SLC22A12: variants seen among roughly 807,000 people sequenced by gnomAD.
The protein encoded by SLC22A12 is organic anion transporter 4-like protein.
In SLC22A12, 56 loss-of-function variants were observed where a neutral mutation model predicts 52.7. That is an observed-to-expected ratio of 1.06 (90% CI 0.86 to 1.33). The LOEUF (loss-of-function observed/expected upper bound fraction) is 1.33, where lower values mean the gene tolerates loss of function less well. Among genes scored for constraint, SLC22A12 ranks in the 40% most tolerant of loss-of-function variants. The pLI, the probability that SLC22A12 is intolerant of heterozygous loss-of-function variation, is 0.00. For synonymous variants in SLC22A12, 337 were observed against 324.6 expected (o/e 1.04, Z -0.41); for missense variants, 683 against 741.5 (o/e 0.92, Z 0.92).
intron 1 of SLC22A12, 141 bp from the exon 2 acceptor site, chr11:64,592,638 A>C (rs1164542952): frequency 9.2e-6 from 7 of 758,496 alleles, no homozygotes; most frequent in Non-Finnish European, 1.7e-5. Flanking sequence ...TCACTGTTCC[A>C]CAGGGTCTTG....
At position 64,600,655 on chromosome 11, in the gene SLC22A12, C is replaced by T. The variant is rs2039424794; in HGVS notation, c.1395-80C>T. 6 of 1,589,664 alleles carry T rather than the reference C, an allele frequency of 3.8e-6. No homozygotes were observed. The South Asian group carries it at 5.5e-5, about 15-fold the overall frequency. ...CCTGACCCCCTGGGTCTCCCTGGGC[C>T]AAGCGGGCCTGGCCCGGCGTGCAGG... On this transcript the variant is annotated intron_variant, in intron 8 of 9. Transcript: ENST00000377574.
Position 64,600,807 on chromosome 11 carries a change from G to C in SLC22A12, c.1467G>C (p.Leu489=), listed in dbSNP as rs1404636233. 9 of 1,606,372 alleles carry C rather than the reference G, an allele frequency of 5.6e-6. No individual in the cohort carries two copies. The highest frequency in any genetic ancestry group is 7.6e-6 in the Non-Finnish European group (9 of 1,179,952). ...TCCTGGGGCCTCTGGTCCGGCTGCT[G>C]GGTGTCCATGGCCCCTGGCTGCCCT... is the stretch of plus-strand genomic sequence containing the variant. ...GAILGPLVRL[L]GVHGPWLPLL... is the part of the protein sequence containing the mutation. The change falls in exon 9 of 10, where the codon CTG becomes CTC. Residue 489 remains leucine, a synonymous_variant. Coordinates refer to ENST00000377574, the MANE Select transcript of SLC22A12 (RefSeq NM_144585.4).
At chr11:64,599,609 T>TCCCCCC in intron 6 of SLC22A12, 67 bp from the exon 7 acceptor site, 2 of 221,474 alleles carry the variant, frequency 9.0e-6, no homozygotes, top group South Asian at 5.1e-5. Context: ...CGCCCATTGT[T>TCCCCCC]CCCACCCTGC....
At chr11:64,596,446 G>A (rs559963989) in intron 4 of SLC22A12, among the ~76,000 whole-genome samples, 1 of 152,272 alleles carries the variant, frequency 6.6e-6, no homozygotes, top group African/African-American at 2.4e-5. Context: ...GAACTGGATG[G>A]ATGAATGGAT....
intron 1 of SLC22A12, among the ~76,000 whole-genome samples, chr11:64,592,407 C>A (rs1565133272): frequency 6.6e-6 from 1 of 152,080 alleles, no homozygotes; most frequent in Non-Finnish European, 1.5e-5. Flanking sequence ...GGCAGCTCAT[C>A]CCAACAAGTG....
chr11:64,596,872 C>G (rs958594507), intron 4 of SLC22A12, among the ~76,000 whole-genome samples: 1 of 152,186 alleles, frequency 6.6e-6, no homozygotes, highest in African/African-American at 2.4e-5. Context: ...AGCTGCACCC[C>G]CCTTTCCTTG....
intron 7 of SLC22A12, 135 bp from the exon 8 acceptor site, chr11:64,600,232 G>A: frequency 1.3e-6 from 1 of 789,204 alleles, no homozygotes; most frequent in Non-Finnish European, 2.1e-6. Flanking sequence ...CTCAGGACAG[G>A]ATACCCAGAT....
intron 4 of SLC22A12, among the ~76,000 whole-genome samples, chr11:64,594,272 T>C (rs1302576149): frequency 6.6e-6 from 1 of 152,232 alleles, no homozygotes; most frequent in African/African-American, 2.4e-5. Flanking sequence ...GAATCAATGC[T>C]TGTGTCTGTC....
chr11:64,593,320 T>C lies in SLC22A12; in HGVS notation c.507-85T>C. 5.6e-6 allele frequency: 9 copies of C among 1,600,446 alleles called. 1 individual carries two copies. In the South Asian group the frequency reaches 9.9e-5, roughly 18 times the overall value. On this transcript the variant is annotated intron_variant, in intron 2 of 9. Transcript: ENST00000377574. ...TCCGCCTCAGCTCAGCGGGCAAGCA[T>C]AGGGTGGGCTCTAGGTGTTCCAGAG...
At chr11:64,600,643 G>A in intron 8 of SLC22A12, 92 bp from the exon 9 acceptor site, 2 of 1,574,372 alleles carry the variant, frequency 1.3e-6, no homozygotes, top group East Asian at 2.2e-5. Context: ...GACCCCCTGG[G>A]TCTCCCTGGG....
In SLC22A12 at chr11:64,600,415, T is replaced by TG. The variant is rs1350666939; in HGVS notation, c.1339dup (p.Ala447GlyfsTer159). 6.2e-7 allele frequency: 1 copy of TG among 1,607,028 alleles called. No individual in the cohort carries two copies. Among genetic ancestry groups the TG allele is most frequent in the Non-Finnish European group, 8.5e-7 (1 of 1,179,096 alleles). Reference sequence around the variant, plus strand: ...TTGGCCGTGCTGGGGCTGGGCGGGGTGGGGGCTGCCTTCACCTGCATCACC... The same window carrying TG: ...TTGGCCGTGCTGGGGCTGGGCGGGGTGGGGGGCTGCCTTCACCTGCATCACC... On this transcript the variant is annotated frameshift_variant, in exon 8 of 10. Coordinates refer to ENST00000377574, the MANE Select transcript of SLC22A12 (RefSeq NM_144585.4). LOFTEE classifies it high-confidence loss of function.
chr11:64,594,671 AGATG>A (rs1241137479), intron 4 of SLC22A12, among the ~76,000 whole-genome samples: 1 of 145,654 alleles, frequency 6.9e-6, no homozygotes, highest in Middle Eastern at 3.6e-3. Flanking sequence ...TGGTTGGAAT[AGATG>A]GATGGACGGA....
intron 5 of SLC22A12, 71 bp from the exon 6 acceptor site, chr11:64,598,737 G>A (rs2039337303): frequency 2.5e-6 from 4 of 1,607,056 alleles, no homozygotes; most frequent in Admixed American, 1.7e-5. Context: ...AGCTCCCTGG[G>A]AAGAAGGTCT....
intron 4 of SLC22A12, among the ~76,000 whole-genome samples, chr11:64,596,637 C>T (rs2039255269): frequency 6.6e-6 from 1 of 152,198 alleles, no homozygotes; most frequent in Non-Finnish European, 1.5e-5. Context: ...AAATCTCTCC[C>T]ACCCAACAGC....
intron 6 of SLC22A12, 67 bp from the exon 7 acceptor site, chr11:64,599,609 T>TCCCC: frequency 4.5e-5 from 10 of 221,464 alleles, no homozygotes; most frequent in South Asian, 1.0e-4. Flanking sequence ...CGCCCATTGT[T>TCCCC]CCCACCCTGC....
At chr11:64,600,634 AC>A in intron 8 of SLC22A12, 100 bp from the exon 9 acceptor site, 1 of 1,547,298 alleles carries the variant, frequency 6.5e-7, no homozygotes, top group Non-Finnish European at 8.8e-7. Flanking sequence ...GCCCAGCCTG[AC>A]CCCCTGGGTC....
At chr11:64,600,292 C>A in intron 7 of SLC22A12, 75 bp from the exon 8 acceptor site, 1 of 1,163,788 alleles carries the variant, frequency 8.6e-7, no homozygotes, top group South Asian at 1.3e-5. Context: ...CAGGGACAAG[C>A]CCCCTGGGCT....
At chr11:64,598,694 A>C (rs1039575766) in intron 5 of SLC22A12, 55 bp downstream of exon 5, 1 of 1,600,098 alleles carries the variant, frequency 6.2e-7, no homozygotes, top group East Asian at 2.3e-5. Flanking sequence ...CTGCCCCTGC[A>C]TAGGGCACCC....
chr11:64,600,600 CG>C, intron 8 of SLC22A12, 125 bp downstream of exon 8: 1 of 1,407,050 alleles, frequency 7.1e-7, no homozygotes, highest in Non-Finnish European at 9.7e-7. Context: ...GTGTGGTCCC[CG>C]GGGCTGCTCA....
Sources: allele counts gnomAD v4.1 joint callset (sites outside exome capture counted in the v4.1 genomes callset), GRCh38; gene constraint gnomAD v4.1.1; transcripts MANE v1.5; gene names NCBI Gene and HGNC (gene_info 2026-07-23, HGNC 2026-07-21).